ADARB2: variants seen among roughly 807,000 people sequenced by gnomAD.
ADARB2 encodes inactive double-stranded RNA-specific editase B2.
Under a neutral mutation model 62.2 loss-of-function variants are expected in ADARB2, and 25 were observed. The observed-to-expected ratio is 0.40, with a 90% CI of 0.29 to 0.56. The LOEUF (loss-of-function observed/expected upper bound fraction) is 0.56. Among genes scored for constraint, ADARB2 ranks in the 20% least tolerant of loss-of-function variants. ADARB2 has a pLI of 0.43. For missense variants in ADARB2, 1,071 were observed against 1,077.4 expected (o/e 0.99, Z 0.08); for synonymous variants, 572 against 500.8 (o/e 1.14, Z -1.90).
At chr10:1,343,949 A>G (rs1411609482) in intron 3 of ADARB2, among the ~76,000 whole-genome samples, 2 of 152,174 alleles carry the variant, frequency 1.3e-5, no homozygotes, top group African/African-American at 2.4e-5. Flanking sequence ...GTAACAAAAC[A>G]ATCTGTACAC....
At chr10:1,659,361 C>T (rs1273938152) in intron 1 of ADARB2, among the ~76,000 whole-genome samples, 1 of 152,156 alleles carries the variant, frequency 6.6e-6, no homozygotes, top group African/African-American at 2.4e-5. Context: ...TGTCTATGAG[C>T]TGGGGGAAGG....
chr10:1,501,937 C>G (rs766152177), intron 1 of ADARB2, among the ~76,000 whole-genome samples: 8 of 152,230 alleles, frequency 5.3e-5, no homozygotes, highest in Non-Finnish European at 8.8e-5. Flanking sequence ...TCGAAGAACT[C>G]TGCCTGGCTG....
chr10:1,219,071 A>T (rs1406933785), intron 6 of ADARB2, among the ~76,000 whole-genome samples: 1 of 129,856 alleles, frequency 7.7e-6, no homozygotes, highest in Non-Finnish European at 1.7e-5. Context: ...AAAAAAAAAG[A>T]GTGTGTGGCA....
At position 1,341,681 on chromosome 10, in the gene ADARB2, A is replaced by G. The variant is rs182544884; in HGVS notation, c.1077+21347T>C. Among the ~76,000 whole-genome samples, 813 of 142,034 alleles carry G rather than the reference A, an allele frequency of 5.7e-3. 3 individuals are homozygous for G. Among genetic ancestry groups the G allele is most frequent in the Non-Finnish European group, 7.5e-3 (494 of 65,522 alleles). 93.2% of individuals were successfully genotyped at this position (142,034 alleles called of 152,430 possible). ...TAATCAGCATCAGCTAGAGAACCAC[A>G]TGCCCCACAGCGGGGATAACCAGCA... On this transcript the variant is annotated intron_variant, in intron 3 of 9. Coordinates refer to ENST00000381312, the MANE Select transcript of ADARB2 (RefSeq NM_018702.4).
At chr10:1,672,421 A>G (rs1300941998) in intron 1 of ADARB2, among the ~76,000 whole-genome samples, 1 of 152,128 alleles carries the variant, frequency 6.6e-6, no homozygotes, top group Non-Finnish European at 1.5e-5. Context: ...TGAACTACAG[A>G]CATACACCCA....
intron 9 of ADARB2, among the ~76,000 whole-genome samples, chr10:1,183,740 G>A (rs998397685): frequency 3.9e-5 from 6 of 152,206 alleles, no homozygotes; most frequent in Admixed American, 3.3e-4. Context: ...GCAGGAGGAT[G>A]ATGGAGCTGG....
At chr10:1,326,216 AG>A (rs1485007794) in intron 3 of ADARB2, among the ~76,000 whole-genome samples, 1 of 152,224 alleles carries the variant, frequency 6.6e-6, no homozygotes, top group South Asian at 2.1e-4. Flanking sequence ...CTGTGCTGCT[AG>A]GAACTTTGCA....
chr10:1,375,978 C>T lies in ADARB2; in HGVS notation c.187+3096G>A, dbSNP rs527663423. ...ACATGCACACACACACATGTGCACA[C>T]ACACGCACACACACGCACATGACAC... On this transcript the variant is annotated intron_variant, in intron 2 of 9. Coordinates refer to ENST00000381312, the MANE Select transcript of ADARB2 (RefSeq NM_018702.4). 4.6e-5 allele frequency among the ~76,000 whole-genome samples: 7 copies of T among 151,800 alleles called. No homozygotes were observed. In the South Asian group the frequency reaches 1.5e-3, roughly 31 times the overall value.
intron 1 of ADARB2, among the ~76,000 whole-genome samples, chr10:1,554,585 A>G (rs948158422): frequency 5.3e-5 from 8 of 151,708 alleles, no homozygotes; most frequent in Non-Finnish European, 1.2e-4. Flanking sequence ...GCTTCCCTTC[A>G]TTCTCCTGCT....
At chr10:1,461,514 AT>A (rs939128553) in intron 1 of ADARB2, among the ~76,000 whole-genome samples, 105 of 110,634 alleles carry the variant, frequency 9.5e-4, no homozygotes, top group East Asian at 6.1e-3. Flanking sequence ...GTGCATATAT[AT>A]TTTTTTTTTT....
At chr10:1,272,865 A>T (rs890048506) in intron 3 of ADARB2, among the ~76,000 whole-genome samples, 1 of 152,192 alleles carries the variant, frequency 6.6e-6, no homozygotes, top group African/African-American at 2.4e-5. Context: ...ATCCCCCCGA[A>T]GCTCTGGAGG....
intron 1 of ADARB2, among the ~76,000 whole-genome samples, chr10:1,418,963 A>G (rs910725232): frequency 6.6e-6 from 1 of 152,226 alleles, no homozygotes; most frequent in Non-Finnish European, 1.5e-5. Flanking sequence ...AGGAAAGAAA[A>G]GGGTTCACTT....
At position 1,380,447 on chromosome 10, in the gene ADARB2, C is replaced by T. The variant is rs1353148876; in HGVS notation, c.101-1287G>A. 2.6e-5 allele frequency among the ~76,000 whole-genome samples: 4 copies of T among 152,226 alleles called. No homozygotes were observed. The East Asian group carries it at 7.7e-4, about 29-fold the overall frequency. ...CAAGGACGGCTGTCCACAGGTGCCC[C>T]ACCGTGGCACTGTATACCTCCTTCA... is the stretch of plus-strand genomic sequence containing the variant. On this transcript the variant is annotated intron_variant, in intron 1 of 9. Coordinates refer to ENST00000381312, the MANE Select transcript of ADARB2 (RefSeq NM_018702.4).
At chr10:1,720,508 G>A (rs1428689663) in intron 1 of ADARB2, among the ~76,000 whole-genome samples, 1 of 152,104 alleles carries the variant, frequency 6.6e-6, no homozygotes, top group Non-Finnish European at 1.5e-5. Context: ...AACTGAATCT[G>A]AAATAAAAGT....
intron 1 of ADARB2, among the ~76,000 whole-genome samples, chr10:1,627,597 G>T (rs894103649): frequency 6.6e-6 from 1 of 152,102 alleles, no homozygotes; most frequent in African/African-American, 2.4e-5. Context: ...GACATCTAAC[G>T]TTCCTAGATT....
intron 1 of ADARB2, among the ~76,000 whole-genome samples, chr10:1,625,671 T>A (rs929889890): frequency 6.6e-6 from 1 of 151,998 alleles, no homozygotes; most frequent in Admixed American, 6.6e-5. Flanking sequence ...TTGACACATG[T>A]CCACTGACCA....
In ADARB2 at chr10:1,404,445, C is replaced by T. The variant is rs189940298; in HGVS notation, c.101-25285G>A. Reference sequence around the variant, plus strand: ...CATTTGCCGGCTGCCATCCAGCAGACGCCAGGGAGACGCTGCGTGGTGATG... The same window carrying T: ...CATTTGCCGGCTGCCATCCAGCAGATGCCAGGGAGACGCTGCGTGGTGATG... On this transcript the variant is annotated intron_variant, in intron 1 of 9. Transcript: ENST00000381312. Among the ~76,000 whole-genome samples, 818 of 152,344 alleles carry T rather than the reference C, an allele frequency of 5.4e-3. 5 individuals carry two copies. Among genetic ancestry groups the T allele is most frequent in the Middle Eastern group, 0.01 (3 of 294 alleles).
intron 1 of ADARB2, among the ~76,000 whole-genome samples, chr10:1,610,048 A>T (rs1238617180): frequency 5.3e-5 from 8 of 150,162 alleles, no homozygotes; most frequent in Non-Finnish European, 5.9e-5. Context: ...GGATTGCTGC[A>T]TTTTTTTTTT....
chr10:1,288,523 C>CAGTA (rs1479481524), intron 3 of ADARB2, among the ~76,000 whole-genome samples: 4 of 152,204 alleles, frequency 2.6e-5, no homozygotes, highest in African/African-American at 9.6e-5. Context: ...AGCACACAGG[C>CAGTA]AGTAAGTTGT....
Sources: allele counts gnomAD v4.1 joint callset (sites outside exome capture counted in the v4.1 genomes callset), GRCh38; gene constraint gnomAD v4.1.1; transcripts MANE v1.5; gene names NCBI Gene and HGNC (gene_info 2026-07-23, HGNC 2026-07-21).